Variants in LARP1 observed in about 807,000 individuals in gnomAD.
LARP1 encodes the protein la-related protein 1.
In LARP1, 36 loss-of-function variants were observed where a neutral mutation model predicts 122.7. That is an observed-to-expected ratio of 0.29 (90% CI 0.22 to 0.39). LARP1 has a LOEUF of 0.39. Among genes scored for constraint, LARP1 ranks in the 10% least tolerant of loss-of-function variants. The pLI is 1.00. For synonymous variants in LARP1, 539 were observed against 528.7 expected, an observed-to-expected ratio of 1.02 and a Z score of -0.27; for missense variants, 1,040 against 1,403.6, an observed-to-expected ratio of 0.74 and a Z score of 4.14.
intron 1 of LARP1, among the ~76,000 whole-genome samples, chr5:154,759,918 AGTTT>A (rs201541263): frequency 0.16 from 23,322 of 149,408 alleles, 1,882 homozygotes; most frequent in Admixed American, 0.23. Flanking sequence ...GGCTGGGCTA[AGTTT>A]GTTTGTTTGT....
chr5:154,772,773 C>G (rs1561587635), intron 1 of LARP1, among the ~76,000 whole-genome samples: 1 of 152,216 alleles, frequency 6.6e-6, no homozygotes, highest in South Asian at 2.1e-4. Flanking sequence ...CCACAACCTC[C>G]GCCTCCCAGG....
chr5:154,809,382 C>G (rs887069910), intron 16 of LARP1, among the ~76,000 whole-genome samples: 1 of 131,652 alleles, frequency 7.6e-6, no homozygotes, highest in Non-Finnish European at 1.6e-5. Flanking sequence ...AAAATGTGCT[C>G]TCTGTAAACT....
intron 1 of LARP1, among the ~76,000 whole-genome samples, chr5:154,700,398 G>A (rs1339429460): frequency 6.6e-6 from 1 of 151,848 alleles, no homozygotes; most frequent in Non-Finnish European, 1.5e-5. Context: ...TGGTCGCAAT[G>A]GCTCACACCT....
At chr5:154,780,394 A>G (rs1475455911) in intron 1 of LARP1, among the ~76,000 whole-genome samples, 3 of 152,126 alleles carry the variant, frequency 2.0e-5, no homozygotes, top group Non-Finnish European at 4.4e-5. Flanking sequence ...CAGTATCGGT[A>G]ATTTTGGGGA....
chr5:154,708,020 T>C (rs1253473701), upstream of LARP1, among the ~76,000 whole-genome samples: 1 of 152,246 alleles, frequency 6.6e-6, no homozygotes. Context: ...GCTTCTAGCA[T>C]GGACAATGTC....
chr5:154,733,373 G>A (rs991494542), intron 1 of LARP1, among the ~76,000 whole-genome samples: 35 of 151,954 alleles, frequency 2.3e-4, no homozygotes, highest in Non-Finnish European at 1.3e-4. Flanking sequence ...TTTTATTTTT[G>A]TGTAGAAATG....
chr5:154,765,457 C>T (rs1029415514), intron 1 of LARP1, among the ~76,000 whole-genome samples: 10 of 152,206 alleles, frequency 6.6e-5, no homozygotes, highest in African/African-American at 2.2e-4. Flanking sequence ...GCAGTGCAAT[C>T]ACGGCTCACT....
rs1758761990 is a variant in LARP1, at chr5:154,806,155, G to A, written c.2698+123G>A. On this transcript the variant is annotated intron_variant, in intron 15 of 18. Transcript: ENST00000518297. ...TGACTTCAGAGCAAAAAAAAGACAT[G>A]ACATTATAGCAAGAAAGACTGAAGT... The A allele has an allele frequency of 5.7e-6, 6 of 1,053,900 alleles. 1 individual carries two copies. Among genetic ancestry groups the A allele is most frequent in the South Asian group, 5.0e-5 (3 of 60,472 alleles). The allele number at this position is 1,053,900 out of a possible 1,614,324, so 65.3% of individuals were successfully genotyped here. A position where few individuals can be genotyped will look rare whatever the true frequency, so the allele number is the denominator to read the frequency against.
In LARP1 at chr5:154,794,950, G is replaced by A. The variant is rs75132272; in HGVS notation, c.1233-225G>A. Reference sequence around the variant, plus strand: ...GGATGAGGAGTTTGACAGGCATGTCGAGGGGCTTAGGGCAGAGGGAGTGAT... The same window carrying A: ...GGATGAGGAGTTTGACAGGCATGTCAAGGGGCTTAGGGCAGAGGGAGTGAT... On this transcript the variant is annotated intron_variant, in intron 7 of 18. Coordinates refer to ENST00000518297, the MANE Select transcript of LARP1 (RefSeq NM_033551.3). Among the ~76,000 whole-genome samples, 293 of 152,330 alleles carry A rather than the reference G, an allele frequency of 1.9e-3. 2 individuals carry two copies. The highest frequency in any genetic ancestry group is 6.3e-3 in the African/African-American group (261 of 41,558).
At chr5:154,753,183 A>T (rs1005450566), upstream of LARP1, among the ~76,000 whole-genome samples, 1 of 152,214 alleles carries the variant, frequency 6.6e-6, no homozygotes, top group East Asian at 1.9e-4. Context: ...CTCTACCTCC[A>T]ATTACAAAAA....
chr5:154,768,370 G>C (rs1180672686), intron 1 of LARP1, among the ~76,000 whole-genome samples: 2 of 152,188 alleles, frequency 1.3e-5, no homozygotes, highest in Non-Finnish European at 2.9e-5. Flanking sequence ...TGCGGCCATG[G>C]TGGGGCTTAT....
rs200227259 is a variant in LARP1, at chr5:154,808,447, C to T, written c.2699-12C>T. ...ACCTGAGACATGCCTTTCCTCCTTTCTTTCCCATCAGAGCGGAAACGCTTG... is the reference window on the plus strand; with the variant it reads ...ACCTGAGACATGCCTTTCCTCCTTTTTTTCCCATCAGAGCGGAAACGCTTG... On this transcript the variant is annotated splice_polypyrimidine_tract_variant and intron_variant, in intron 15 of 18. Transcript: ENST00000518297. The T allele has an allele frequency of 5.0e-5, 81 of 1,609,124 alleles. No individual in the cohort carries two copies. The East Asian group carries it at 1.8e-3, about 36-fold the overall frequency.
rs1377228804 is a variant in LARP1, at chr5:154,808,455, T to C, written c.2699-4T>C. The C allele has an allele frequency of 6.2e-7, 1 of 1,610,246 alleles. No homozygotes were observed. Among genetic ancestry groups the C allele is most frequent in the Non-Finnish European group, 8.5e-7 (1 of 1,178,624 alleles). On this transcript the variant is annotated splice_region_variant and splice_polypyrimidine_tract_variant and intron_variant, in intron 15 of 18. Transcript: ENST00000518297. ...CATGCCTTTCCTCCTTTCTTTCCCATCAGAGCGGAAACGCTTGGGCATTGG... is the reference window on the plus strand; with the variant it reads ...CATGCCTTTCCTCCTTTCTTTCCCACCAGAGCGGAAACGCTTGGGCATTGG...
rs567071062 is a variant in LARP1, at chr5:154,775,347, G to A, written c.437-14978G>A. Among the ~76,000 whole-genome samples, 24 of 152,232 alleles carry A rather than the reference G, an allele frequency of 1.6e-4. No homozygotes were observed. In the South Asian group the frequency reaches 2.9e-3, roughly 18 times the overall value. On this transcript the variant is annotated intron_variant, in intron 1 of 18. Transcript: ENST00000518297. ...ACAAGAACTTCAAATACAAAAATTA[G>A]TTGGGTGTGGTGGCAAGCACCTATA...
At chr5:154,791,281 T>C (rs1330880073) in intron 3 of LARP1, among the ~76,000 whole-genome samples, 1 of 151,712 alleles carries the variant, frequency 6.6e-6, no homozygotes, top group Non-Finnish European at 1.5e-5. Context: ...TGGTGTAATC[T>C]CAGCTTACTG....
chr5:154,711,663 C>T (rs1335903645), upstream of LARP1, among the ~76,000 whole-genome samples: 2 of 152,160 alleles, frequency 1.3e-5, no homozygotes, highest in African/African-American at 4.8e-5. Context: ...CAAGTTGAAT[C>T]ATCTTTCTGA....
At position 154,811,269 on chromosome 5, in the gene LARP1, C is replaced by T; in HGVS notation, c.2866C>T (p.Arg956Ter). Residue 956 changes from arginine (R) to a stop codon, truncating the protein, a stop_gained, in exon 17 of 19, where the codon CGA becomes TGA. Coordinates refer to ENST00000518297, the MANE Select transcript of LARP1 (RefSeq NM_033551.3). LOFTEE classifies it high-confidence loss of function. ...GYRYGLECLF[R>*]YYSYGLEKKF... ...CAGATATGGTTTGGAGTGCCTTTTT[C>T]GATACTACAGTTATGGCCTGGAAAA... The T allele has an allele frequency of 6.2e-7, 1 of 1,613,920 alleles. No homozygotes were observed. Among genetic ancestry groups the T allele is most frequent in the Non-Finnish European group, 8.5e-7 (1 of 1,179,968 alleles).
intron 1 of LARP1, among the ~76,000 whole-genome samples, chr5:154,745,072 G>A (rs1199174283): frequency 1.3e-5 from 2 of 151,812 alleles, no homozygotes; most frequent in South Asian, 2.1e-4. Flanking sequence ...GACTACAGGT[G>A]GCATGCCACC....
chr5:154,798,742 C>G (rs1477162294), intron 8 of LARP1, among the ~76,000 whole-genome samples: 2 of 152,240 alleles, frequency 1.3e-5, no homozygotes, highest in African/African-American at 2.4e-5. Context: ...GATCTACCCA[C>G]CTTGACCTCC....
Sources: allele counts gnomAD v4.1 joint callset (sites outside exome capture counted in the v4.1 genomes callset), GRCh38; gene constraint gnomAD v4.1.1; transcripts MANE v1.5; gene names NCBI Gene and HGNC (gene_info 2026-07-23, HGNC 2026-07-21).